The following PARD3B variants were observed in gnomAD, a reference collection of about 807,000 sequenced individuals.
The protein encoded by PARD3B is par-3 family cell polarity regulator beta.
A neutral mutation model predicts 130.2 loss-of-function variants in PARD3B; 103 were observed. That is an observed-to-expected ratio of 0.79 (90% CI 0.67 to 0.93). PARD3B has a LOEUF of 0.93. PARD3B is among the 40% of genes least tolerant of loss of function. PARD3B has a pLI of 0.00. For synonymous variants in PARD3B, 583 were observed against 553.2 expected (o/e 1.05, Z -0.76); for missense variants, 1,609 against 1,499.2 (o/e 1.07, Z -1.21).
rs770020598 is a variant in PARD3B at position 205,580,409 on chromosome 2, G to A, written c.3260+27006G>A. Among the ~76,000 whole-genome samples the A allele has an allele frequency of 4.3e-4, 66 of 152,148 alleles. 1 individual carries two copies. Among genetic ancestry groups the A allele is most frequent in the Middle Eastern group, 6.8e-3 (2 of 294 alleles). On this transcript the variant is annotated intron_variant, in intron 22 of 22. Transcript: ENST00000406610. ...CTTCTCCGGTCTCTTCCTTGACATC[G>A]GTAATAATGGGAATGACATGTGAGT...
chr2:205,037,958 C>T lies in PARD3B; in HGVS notation c.395-9623C>T, dbSNP rs532630579. ...CCCTGAAATTACATTTATTTCCCCA[C>T]GCAAATCTGCATCTGGGCATTCCAA... is the stretch of plus-strand genomic sequence containing the variant. On this transcript the variant is annotated intron_variant, in intron 3 of 22. Transcript: ENST00000406610. 2.0e-4 allele frequency among the ~76,000 whole-genome samples: 30 copies of T among 152,222 alleles called. No homozygotes were observed. The East Asian group carries it at 4.8e-3, about 25-fold the overall frequency.
At chr2:205,130,421 A>C (rs911574650) in intron 10 of PARD3B, among the ~76,000 whole-genome samples, 9 of 152,134 alleles carry the variant, frequency 5.9e-5, no homozygotes, top group African/African-American at 2.2e-4. Context: ...CCGTATTTCC[A>C]CTTAAGAAAG....
chr2:204,953,418 CACAGAGAGAG>C (rs1283266305), intron 2 of PARD3B, among the ~76,000 whole-genome samples: 1,264 of 117,508 alleles, frequency 0.011, 21 homozygotes, highest in African/African-American at 0.035. Context: ...CATACACACA[CACAGAGAGAG>C]AGAGAGAGAG....
At chr2:205,359,536 T>A (rs1390017662) in intron 18 of PARD3B, among the ~76,000 whole-genome samples, 2 of 152,194 alleles carry the variant, frequency 1.3e-5, no homozygotes, top group African/African-American at 4.8e-5. Flanking sequence ...TCTTTCCCTG[T>A]TTGATTTTCC....
intron 10 of PARD3B, among the ~76,000 whole-genome samples, chr2:205,133,171 A>G (rs939783280): frequency 6.6e-6 from 1 of 152,214 alleles, no homozygotes; most frequent in Admixed American, 6.5e-5. Context: ...TGACAGCTTC[A>G]GTGGTTTAAG....
chr2:205,156,608 T>A (rs551018613), intron 10 of PARD3B, among the ~76,000 whole-genome samples: 1 of 152,076 alleles, frequency 6.6e-6, no homozygotes, highest in South Asian at 2.1e-4. Context: ...GCTTCCACAT[T>A]CCAAGTCTTC....
At chr2:205,567,818 T>C (rs1028710721) in intron 22 of PARD3B, among the ~76,000 whole-genome samples, 8 of 148,134 alleles carry the variant, frequency 5.4e-5, no homozygotes, top group African/African-American at 1.8e-4. Flanking sequence ...CCAGGAAGCA[T>C]TGGAAGCGGA....
intron 18 of PARD3B, among the ~76,000 whole-genome samples, chr2:205,396,550 G>A (rs1193166849): frequency 6.6e-6 from 1 of 152,106 alleles, no homozygotes; most frequent in Non-Finnish European, 1.5e-5. Flanking sequence ...TTTACATAAA[G>A]CGTATGTTGA....
intron 20 of PARD3B, among the ~76,000 whole-genome samples, chr2:205,480,388 T>G (rs931151569): frequency 3.9e-5 from 6 of 152,194 alleles, no homozygotes; most frequent in Non-Finnish European, 7.3e-5. Context: ...AGCCACCTAG[T>G]CACTGTCTTC....
intron 18 of PARD3B, among the ~76,000 whole-genome samples, chr2:205,328,490 A>C (rs1461504740): frequency 1.3e-5 from 2 of 152,176 alleles, no homozygotes; most frequent in Non-Finnish European, 2.9e-5. Context: ...GAGCAAGAAA[A>C]TCAATATTAG....
At chr2:205,389,107 A>G (rs2045762109) in intron 18 of PARD3B, among the ~76,000 whole-genome samples, 1 of 152,152 alleles carries the variant, frequency 6.6e-6, no homozygotes, top group Non-Finnish European at 1.5e-5. Context: ...CTTATGTAGA[A>G]TTTCATTTGA....
intron 20 of PARD3B, among the ~76,000 whole-genome samples, chr2:205,491,609 C>T (rs2049716460): frequency 6.6e-6 from 1 of 151,936 alleles, no homozygotes; most frequent in African/African-American, 2.4e-5. Context: ...TTGGTTCCGG[C>T]CTTTGTTTCT....
At chr2:205,420,273 T>G (rs2046923218) in intron 19 of PARD3B, among the ~76,000 whole-genome samples, 1 of 152,212 alleles carries the variant, frequency 6.6e-6, no homozygotes, top group African/African-American at 2.4e-5. Context: ...TGTGGATAAC[T>G]GTTACTGTTA....
At chr2:205,409,890 A>G (rs2046538096) in intron 19 of PARD3B, among the ~76,000 whole-genome samples, 1 of 152,200 alleles carries the variant, frequency 6.6e-6, no homozygotes, top group South Asian at 2.1e-4. Context: ...CTGACCTGAT[A>G]AAAATGTGGA....
chr2:204,598,985 G>T (rs1339033247), intron 1 of PARD3B, among the ~76,000 whole-genome samples: 1 of 151,614 alleles, frequency 6.6e-6, no homozygotes, highest in Non-Finnish European at 1.5e-5. Context: ...CATTACTAAT[G>T]AAGTTAATTG....
intron 2 of PARD3B, among the ~76,000 whole-genome samples, chr2:204,742,198 AG>A (rs1471048767): frequency 6.6e-6 from 1 of 152,144 alleles, no homozygotes; most frequent in African/African-American, 2.4e-5. Context: ...TATTTATGTA[AG>A]GTAGCTTTAT....
rs1306002493 is a variant in PARD3B at position 205,288,335 on chromosome 2, C to T, written c.2186-12195C>T. ...GTTCATTTTGAGGACAGATGACTAA[C>T]CATGCTAAAAATGTATATGAAGAAA... On this transcript the variant is annotated intron_variant, in intron 16 of 22. Transcript: ENST00000406610. This position sits in a 1 kb window ranked among gnomAD's most constrained non-coding sequence, Gnocchi z 4.0. Among the ~76,000 whole-genome samples, 2 of 151,970 alleles carry T rather than the reference C, an allele frequency of 1.3e-5. No homozygotes were observed. The highest frequency in any genetic ancestry group is 2.9e-5 in the Non-Finnish European group (2 of 67,998).
intron 20 of PARD3B, among the ~76,000 whole-genome samples, chr2:205,454,794 A>G (rs1158797758): frequency 6.6e-6 from 1 of 152,112 alleles, no homozygotes; most frequent in Non-Finnish European, 1.5e-5. Context: ...TATTCACGAA[A>G]AACCAAGCCC....
At chr2:205,145,674 T>C (rs945266433) in intron 10 of PARD3B, among the ~76,000 whole-genome samples, 1 of 152,166 alleles carries the variant, frequency 6.6e-6, no homozygotes, top group Non-Finnish European at 1.5e-5. Flanking sequence ...AAGGCACCAT[T>C]GCTTTAAGTG....
Sources: allele counts gnomAD v4.1 joint callset (sites outside exome capture counted in the v4.1 genomes callset), GRCh38; gene constraint gnomAD v4.1.1; non-coding constraint Gnocchi (gnomAD v3.1); transcripts MANE v1.5; gene names NCBI Gene and HGNC (gene_info 2026-07-23, HGNC 2026-07-21).